Variants in KCNAB1 observed in about 807,000 individuals in gnomAD.
KCNAB1 encodes voltage-gated potassium channel subunit beta-1.
KCNAB1 carries 35 observed loss-of-function variants against 64.6 expected under a neutral mutation model. That is an observed-to-expected ratio of 0.54 (90% CI 0.41 to 0.72). The LOEUF is 0.72. Among genes scored for constraint, KCNAB1 ranks in the 30% least tolerant of loss-of-function variants. The pLI, the probability that KCNAB1 is intolerant of heterozygous loss-of-function variation, is 0.00. For synonymous variants in KCNAB1, 177 were observed against 183.8 expected (o/e 0.96, Z 0.30); for missense variants, 401 against 512.9 (o/e 0.78, Z 2.11).
At chr3:156,122,027 T>C (rs544842960) in intron 1 of KCNAB1, among the ~76,000 whole-genome samples, 1 of 152,352 alleles carries the variant, frequency 6.6e-6, no homozygotes, top group South Asian at 2.1e-4. Flanking sequence ...ACCTAAACTA[T>C]TATTCAAAAA....
At chr3:156,158,496 T>C (rs539895402) in intron 1 of KCNAB1, among the ~76,000 whole-genome samples, 37 of 152,294 alleles carry the variant, frequency 2.4e-4, no homozygotes, top group Middle Eastern at 3.4e-3. Context: ...CAGTTAACCT[T>C]GGATCATATA....
chr3:156,342,369 TTCACGTGGGG>T, intron 1 of KCNAB1, among the ~76,000 whole-genome samples: 1 of 152,294 alleles, frequency 6.6e-6, no homozygotes, highest in East Asian at 1.9e-4. Flanking sequence ...AGTGAATTTC[TTCACGTGGGG>T]TCTCCTTATG....
chr3:156,475,566 T>G (rs1714279796), intron 8 of KCNAB1, among the ~76,000 whole-genome samples: 1 of 152,184 alleles, frequency 6.6e-6, no homozygotes, highest in Admixed American at 6.5e-5. Context: ...TGATTGAGAA[T>G]GAAGATATTT....
chr3:156,183,628 C>T (rs1713005390), intron 1 of KCNAB1, among the ~76,000 whole-genome samples: 1 of 152,170 alleles, frequency 6.6e-6, no homozygotes, highest in Non-Finnish European at 1.5e-5. Context: ...CCATAGCAGC[C>T]TCAGATGCCA....
chr3:156,239,895 TA>T (rs1378822498), intron 1 of KCNAB1, among the ~76,000 whole-genome samples: 4 of 152,074 alleles, frequency 2.6e-5, no homozygotes, highest in African/African-American at 9.7e-5. Context: ...GAAAAGGGAT[TA>T]AAAACACCTG....
At chr3:156,143,569 G>GGTTTTTT in intron 1 of KCNAB1, 5 of 292,186 alleles carry the variant, frequency 1.7e-5, no homozygotes, top group Non-Finnish European at 1.2e-5. Flanking sequence ...TTGCATTCTT[G>GGTTTTTT]TTTTTTTTTT....
At chr3:156,346,245 T>G (rs1240325816) in intron 1 of KCNAB1, among the ~76,000 whole-genome samples, 1 of 152,060 alleles carries the variant, frequency 6.6e-6, no homozygotes, top group Non-Finnish European at 1.5e-5. Context: ...TAACTACAGC[T>G]TAAGCCCTAT....
At chr3:156,363,215 T>C (rs898720043) in intron 1 of KCNAB1, among the ~76,000 whole-genome samples, 4 of 152,250 alleles carry the variant, frequency 2.6e-5, no homozygotes, top group Non-Finnish European at 5.9e-5. Flanking sequence ...CAAAGCATAT[T>C]CAAATGCCAT....
chr3:156,354,124 A>ATATATATATATATATATGTG (rs1560212836), intron 1 of KCNAB1, among the ~76,000 whole-genome samples: 4 of 136,950 alleles, frequency 2.9e-5, no homozygotes, highest in South Asian at 2.2e-4. Context: ...GTGTGTGTAT[A>ATATATATATATATATATGTG]TATATATATA....
intron 3 of KCNAB1, chr3:156,457,213 T>G (rs993566200): frequency 7.7e-7 from 1 of 1,305,442 alleles, no homozygotes; most frequent in Non-Finnish European, 9.8e-7. Flanking sequence ...CTATCCACTT[T>G]GGGCAGGCTA....
intron 8 of KCNAB1, among the ~76,000 whole-genome samples, chr3:156,485,089 A>G (rs141068292): frequency 0.01 from 1,594 of 152,244 alleles, 21 homozygotes; most frequent in African/African-American, 0.037. Context: ...GTTGTTACAT[A>G]TGTTTACACT....
intron 1 of KCNAB1, among the ~76,000 whole-genome samples, chr3:156,250,594 CTT>C (rs1315706449): frequency 6.6e-6 from 1 of 152,124 alleles, no homozygotes; most frequent in East Asian, 1.9e-4. Context: ...AAGACATTCT[CTT>C]TTTTTACCCT....
At chr3:156,385,515 T>C (rs1307164979) in intron 1 of KCNAB1, among the ~76,000 whole-genome samples, 1 of 151,882 alleles carries the variant, frequency 6.6e-6, no homozygotes, top group Non-Finnish European at 1.5e-5. Context: ...AATATGCTTT[T>C]CAAAAAAGCA....
intron 1 of KCNAB1, among the ~76,000 whole-genome samples, chr3:156,401,120 G>A (rs143760720): frequency 1.3e-5 from 2 of 152,232 alleles, no homozygotes; most frequent in Non-Finnish European, 2.9e-5. Flanking sequence ...CTTGACATGG[G>A]GGATCTCAGA....
chr3:156,345,809 C>G (rs185005949), intron 1 of KCNAB1, among the ~76,000 whole-genome samples: 76 of 152,034 alleles, frequency 5.0e-4, no homozygotes, highest in African/African-American at 1.6e-3. Flanking sequence ...ATTCCAGCCT[C>G]TATATGAAAG....
At chr3:156,297,872 G>T (rs1289312653) in intron 1 of KCNAB1, among the ~76,000 whole-genome samples, 1 of 151,992 alleles carries the variant, frequency 6.6e-6, no homozygotes, top group East Asian at 1.9e-4. Flanking sequence ...AGGAGAGCTA[G>T]CTCTGTGGCT....
chr3:156,481,741 CT>C (rs1444150764), intron 8 of KCNAB1, among the ~76,000 whole-genome samples: 1 of 152,122 alleles, frequency 6.6e-6, no homozygotes, highest in Admixed American at 6.6e-5. Flanking sequence ...ACAGACACAA[CT>C]TCAAATTCTG....
At chr3:156,370,986 C>G (rs1364521495) in intron 1 of KCNAB1, among the ~76,000 whole-genome samples, 1 of 152,194 alleles carries the variant, frequency 6.6e-6, no homozygotes, top group African/African-American at 2.4e-5. Context: ...AACCCAAACT[C>G]AAGGCCTCAA....
At chr3:156,447,845 A>T (rs1711690874) in intron 2 of KCNAB1, among the ~76,000 whole-genome samples, 1 of 152,222 alleles carries the variant, frequency 6.6e-6, no homozygotes, top group African/African-American at 2.4e-5. Context: ...GGTTTTGATA[A>T]TTGCACTATG....
Sources: allele counts gnomAD v4.1 joint callset (sites outside exome capture counted in the v4.1 genomes callset), GRCh38; gene constraint gnomAD v4.1.1; transcripts MANE v1.5; gene names NCBI Gene and HGNC (gene_info 2026-07-23, HGNC 2026-07-21).